SYNE2: variants seen among roughly 807,000 people sequenced by gnomAD.
SYNE2 encodes spectrin repeat containing nuclear envelope protein 2, also known as nesprin-2.
A neutral mutation model predicts 856.3 loss-of-function variants in SYNE2; 431 were observed. The observed-to-expected ratio is 0.50, with a 90% CI of 0.47 to 0.55. SYNE2 has a LOEUF of 0.55. SYNE2 is among the 20% of genes least tolerant of loss of function. The pLI, the probability that SYNE2 is intolerant of heterozygous loss-of-function variation, is 0.00. For synonymous variants in SYNE2, 2,923 were observed against 2,872.3 expected (o/e 1.02, Z -0.56); for missense variants, 8,129 against 8,023.2 (o/e 1.01, Z -0.50).
chr14:63,949,810 C>A lies in SYNE2; in HGVS notation c.409-15C>A. 6.2e-7 allele frequency: 1 copy of A among 1,614,048 alleles called. No individual in the cohort carries two copies. The highest frequency in any genetic ancestry group is 8.5e-7 in the Non-Finnish European group (1 of 1,179,940). ...TATGCTTTTATAAACGTTAAGTCTA[C>A]TTTGCCTTCCTTAGATTGAGAAGCT... On this transcript the variant is annotated splice_polypyrimidine_tract_variant and intron_variant, in intron 6 of 115. Transcript: ENST00000555002.
intron 1 of SYNE2, among the ~76,000 whole-genome samples, chr14:63,829,390 C>T (rs1210872529): frequency 1.3e-5 from 2 of 151,752 alleles, no homozygotes; most frequent in African/African-American, 4.8e-5. Context: ...GCACTCCAGC[C>T]TGGACAACAG....
intron 45 of SYNE2, among the ~76,000 whole-genome samples, chr14:64,044,999 A>G (rs2097175538): frequency 6.6e-6 from 1 of 152,232 alleles, no homozygotes; most frequent in Non-Finnish European, 1.5e-5. Context: ...ATGAATGTGC[A>G]GAGTAAAAAT....
chr14:64,218,343 T>G, intron 108 of SYNE2, 55 bp from the exon 109 acceptor site: 2 of 1,489,872 alleles, frequency 1.3e-6, no homozygotes, highest in Non-Finnish European at 1.9e-6. Flanking sequence ...ATCCAGTTGT[T>G]CTTCAGATAT....
chr14:63,933,652 G>A (rs2095794082), intron 2 of SYNE2, among the ~76,000 whole-genome samples: 1 of 152,090 alleles, frequency 6.6e-6, no homozygotes, highest in African/African-American at 2.4e-5. Flanking sequence ...ATATATATTT[G>A]CCTGAAAAAT....
At chr14:64,214,612 G>A (rs2098657150) in intron 106 of SYNE2, 142 bp downstream of exon 106, 1 of 777,208 alleles carries the variant, frequency 1.3e-6, no homozygotes, top group East Asian at 2.7e-5. Flanking sequence ...GCTCTATCCT[G>A]CCCATCTCTT....
chr14:63,900,175 T>C (rs972069090), intron 1 of SYNE2, among the ~76,000 whole-genome samples: 7 of 152,214 alleles, frequency 4.6e-5, no homozygotes, highest in African/African-American at 1.7e-4. Flanking sequence ...TTGGTATTGG[T>C]TGGTGACACT....
chr14:64,134,321 C>CAGTGAG, intron 78 of SYNE2, 121 bp downstream of exon 78: 1 of 1,053,268 alleles, frequency 9.5e-7, no homozygotes, highest in Non-Finnish European at 1.5e-6. Flanking sequence ...CATCATACAA[C>CAGTGAG]TCACTGTTGA....
chr14:64,188,564 A>G lies in SYNE2; in HGVS notation c.17727A>G (p.Lys5909=), dbSNP rs2098502953. 2 of 1,614,234 alleles carry G rather than the reference A, an allele frequency of 1.2e-6. No individual in the cohort carries two copies. Among genetic ancestry groups the G allele is most frequent in the East Asian group, 4.5e-5 (2 of 44,890 alleles). Residue 5909 remains lysine, a synonymous_variant, in exon 98 of 116, where the codon AAA becomes AAG. Coordinates refer to ENST00000555002, the MANE Select transcript of SYNE2 (RefSeq NM_182914.3). ...EDLCLRVAIR[K]QEIEDRLNTW... ...TTCATTTGCAGGTGGCCATACGTAA[A>G]CAGGAGATTGAAGACAGACTCAATA...
In SYNE2 at chr14:64,136,191, TAGGC is replaced by T. The variant is rs756957701; in HGVS notation, c.14647-1592_14647-1589del. Among the ~76,000 whole-genome samples, 23 of 149,558 alleles carry T rather than the reference TAGGC, an allele frequency of 1.5e-4. No individual in the cohort carries two copies. The East Asian group carries it at 2.2e-3, about 14-fold the overall frequency. On this transcript the variant is annotated intron_variant, in intron 78 of 115. Coordinates refer to ENST00000555002, the MANE Select transcript of SYNE2 (RefSeq NM_182914.3). ...TATAATCCCAGCTACTTGGGAGACT[TAGGC>T]AGGAGAATCGCTGGAACCCGGGAGT...
At chr14:63,845,064 GCTAT>G (rs959393938) in intron 1 of SYNE2, among the ~76,000 whole-genome samples, 10 of 151,970 alleles carry the variant, frequency 6.6e-5, no homozygotes, top group Admixed American at 2.6e-4. Flanking sequence ...GTTTGTCTAG[GCTAT>G]CTATCTCTAC....
chr14:64,218,533 T>G lies in SYNE2; in HGVS notation c.19657+21T>G, dbSNP rs767224903. On this transcript the variant is annotated intron_variant, in intron 109 of 115. Coordinates refer to ENST00000555002, the MANE Select transcript of SYNE2 (RefSeq NM_182914.3). ...GTCAGGTACTGCCTGTAACTGGCAG[T>G]CGTCCAGAGAGGCAGAGTATGGTAT... 10 of 1,609,918 alleles carry G rather than the reference T, an allele frequency of 6.2e-6. No homozygotes were observed. In the African/African-American group the frequency reaches 1.3e-4, roughly 22 times the overall value.
At position 63,949,853 on chromosome 14, in the gene SYNE2, G is replaced by C. The variant is rs762685285; in HGVS notation, c.437G>C (p.Cys146Ser). Residue 146 changes from cysteine (C) to serine (S), a missense_variant, in exon 7 of 116, where the codon TGC becomes TCC. Coordinates refer to ENST00000555002, the MANE Select transcript of SYNE2 (RefSeq NM_182914.3). ...HIEKLAQTLS[C>S]NYNQPSLDDV... ...GAGAAGCTTGCCCAGACTCTTTCTT[G>C]CAATTACAATCAGCCTTCCCTGGAT... The C allele has an allele frequency of 1.2e-6, 2 of 1,614,086 alleles. No individual in the cohort carries two copies. The highest frequency in any genetic ancestry group is 3.3e-5 in the Admixed American group (2 of 60,014).
intron 54 of SYNE2, among the ~76,000 whole-genome samples, chr14:64,076,973 C>T (rs2097466314): frequency 6.6e-6 from 1 of 151,896 alleles, no homozygotes; most frequent in Non-Finnish European, 1.5e-5. Flanking sequence ...TCAAGGATCT[C>T]GTTACTATTG....
At chr14:63,775,868 A>T (rs1223197091) in intron 1 of SYNE2, among the ~76,000 whole-genome samples, 1 of 152,186 alleles carries the variant, frequency 6.6e-6, no homozygotes, top group East Asian at 1.9e-4. Flanking sequence ...GGCTAAAAAA[A>T]CTAGGCTTCT....
At position 63,941,944 on chromosome 14, in the gene SYNE2, A is replaced by G. The variant is rs774324642; in HGVS notation, c.297A>G (p.Thr99=). The G allele has an allele frequency of 2.5e-6, 4 of 1,612,956 alleles. No individual in the cohort carries two copies. The highest frequency in any genetic ancestry group is 1.6e-4 in the Middle Eastern group (1 of 6,062). Residue 99 remains threonine (T), a synonymous_variant, in exon 5 of 116, where the codon ACA becomes ACG. Coordinates refer to ENST00000555002, the MANE Select transcript of SYNE2 (RefSeq NM_182914.3). ...QCRINIEHAL[T]FLRNRSIKLI... is the part of the protein sequence containing the mutation. ...GAATCAATATAGAACATGCCTTGAC[A>G]TTCCTAAGAAACCGATCAGTAAGTA... is the stretch of plus-strand genomic sequence containing the variant.
Position 64,027,480 on chromosome 14 carries a change from T to C in SYNE2, c.6405-4T>C, listed in dbSNP as rs1303738805. ...TAATTTATAAAATATTTTGTGAAAT[T>C]TAGCCATCAAGAAAAGCTTCTACTA... On this transcript the variant is annotated splice_region_variant and splice_polypyrimidine_tract_variant and intron_variant, in intron 42 of 115. Coordinates refer to ENST00000555002, the MANE Select transcript of SYNE2 (RefSeq NM_182914.3). 1 of 1,573,258 alleles carries C rather than the reference T, an allele frequency of 6.4e-7. No homozygotes were observed.
chr14:64,135,629 A>G (rs557935743), intron 78 of SYNE2, among the ~76,000 whole-genome samples: 1 of 152,348 alleles, frequency 6.6e-6, no homozygotes, highest in Admixed American at 6.5e-5. Context: ...ACAGTCTAAT[A>G]TTAGCCAACC....
In SYNE2 at chr14:64,219,208, G is replaced by T. The variant is rs1005373982; in HGVS notation, c.19658G>T (p.Gly6553Val). The T allele has an allele frequency of 6.2e-7, 1 of 1,605,082 alleles. No individual in the cohort carries two copies. Among genetic ancestry groups the T allele is most frequent in the Non-Finnish European group, 8.5e-7 (1 of 1,176,664 alleles). ...GLAGITEQQS[G>V]AFDRWEMIQA... is the part of the protein sequence containing the mutation. Reference sequence around the variant, plus strand: ...TTAATTGGCGATTTTTTAATTCCAGGTGCCTTCGACAGATGGGAGATGATT... The same window carrying T: ...TTAATTGGCGATTTTTTAATTCCAGTTGCCTTCGACAGATGGGAGATGATT... The change falls in exon 110 of 116, where the codon GGT becomes GTT. Residue 6553 changes from glycine to valine, a missense_variant and splice_region_variant. By Grantham distance (109) the Gly-to-Val change is moderately radical. Around this residue, in one of 3 missense-constraint regions of SYNE2, gnomAD observed 5,410 missense variants for 5,284.8 expected, o/e 1.02. Transcript: ENST00000555002.
chr14:64,065,594 G>A lies in SYNE2; in HGVS notation c.10375G>A (p.Glu3459Lys), dbSNP rs1301051568. 1.2e-6 allele frequency: 2 copies of A among 1,614,228 alleles called. No individual in the cohort carries two copies. Among genetic ancestry groups the A allele is most frequent in the African/African-American group, 2.7e-5 (2 of 75,058 alleles). The change falls in exon 51 of 116, where the codon GAG becomes AAG. Residue 3459 changes from glutamate to lysine, a missense_variant. Transcript: ENST00000555002. ...KWLSLLEAAKEWEMWCEELKQ... is the reference protein window; with the variant it reads ...KWLSLLEAAKKWEMWCEELKQ... ...GCTGAGTTTGCTGGAAGCTGCTAAA[G>A]AGTGGGAGATGTGGTGCGAAGAACT...
Sources: allele counts gnomAD v4.1 joint callset (sites outside exome capture counted in the v4.1 genomes callset), GRCh38; gene constraint gnomAD v4.1.1; regional missense constraint gnomAD v4.1.1; transcripts MANE v1.5; gene names NCBI Gene and HGNC (gene_info 2026-07-23, HGNC 2026-07-21).